PTGER3: variants seen among roughly 807,000 people sequenced by gnomAD.
The protein encoded by PTGER3 is prostaglandin E2 receptor EP3 subtype.
In PTGER3, 22 loss-of-function variants were observed where a neutral mutation model predicts 34.7. The observed-to-expected ratio is 0.63, with a 90% confidence interval of 0.45 to 0.91. The LOEUF (loss-of-function observed/expected upper bound fraction) is 0.91, where lower values mean the gene tolerates loss of function less well. Among genes scored for constraint, PTGER3 ranks in the 40% least tolerant of loss-of-function variants. PTGER3 has a pLI of 0.00. For missense variants in PTGER3, 468 were observed against 519.4 expected (o/e 0.90, Z 0.96); for synonymous variants, 241 against 230.1 (o/e 1.05, Z -0.43).
At chr1:70,899,811 C>G (rs1359835) in intron 4 of PTGER3, among the ~76,000 whole-genome samples, 95,355 of 151,728 alleles carry the variant, frequency 0.63, 30,773 homozygotes, top group East Asian at 0.87. Flanking sequence ...AAATAAAAAG[C>G]CTGGTGAAGA....
At chr1:70,929,697 G>A (rs1197781502) in intron 4 of PTGER3, among the ~76,000 whole-genome samples, 1 of 152,162 alleles carries the variant, frequency 6.6e-6, no homozygotes, top group Non-Finnish European at 1.5e-5. Flanking sequence ...ACTGACGAAC[G>A]ATGGAGAAAT....
intron 4 of PTGER3, among the ~76,000 whole-genome samples, chr1:70,871,864 T>C (rs1156776915): frequency 6.6e-6 from 1 of 152,190 alleles, no homozygotes; most frequent in Non-Finnish European, 1.5e-5. Context: ...CATTCAATTT[T>C]CAAGGTGCTA....
At chr1:71,038,910 G>A (rs1486382093) in intron 1 of PTGER3, among the ~76,000 whole-genome samples, 2 of 152,182 alleles carry the variant, frequency 1.3e-5, no homozygotes, top group Non-Finnish European at 2.9e-5. Context: ...ACTCTCTCAA[G>A]AAGTTTGCAG....
chr1:70,946,403 G>A (rs909463607), intron 4 of PTGER3, among the ~76,000 whole-genome samples: 1 of 152,120 alleles, frequency 6.6e-6, no homozygotes, highest in Non-Finnish European at 1.5e-5. Context: ...GAATTGGTAA[G>A]AACCAGAAGA....
downstream of PTGER3, among the ~76,000 whole-genome samples, chr1:70,970,418 T>C (rs1201941116): frequency 6.6e-6 from 1 of 152,296 alleles, no homozygotes; most frequent in African/African-American, 2.4e-5. Context: ...ATTTTAAATA[T>C]AGATTTGGAA....
In PTGER3 at chr1:71,047,550, C is replaced by T. The variant is rs1460587855; in HGVS notation, c.28G>A (p.Asp10Asn). Residue 10 changes from aspartate (D) to asparagine (N), a missense_variant, in exon 1 of 4, where the codon GAT (aspartate) becomes AAT (asparagine). By Grantham distance (23) the Asp-to-Asn change is conservative (BLOSUM62 1). Coordinates refer to ENST00000306666, the MANE Select transcript of PTGER3 (RefSeq NM_198719.2). ...TTGAGGCGGGTGCAGAAGGGGGCAT[C>T]CCCTCCGTAGCCCCGGGTCTCCTTC... is the stretch of plus-strand genomic sequence containing the variant. MKETRGYGG[D>N]APFCTRLNHS... The T allele has an allele frequency of 2.6e-6, 4 of 1,567,272 alleles. No individual in the cohort carries two copies. In the East Asian group the frequency reaches 6.9e-5, roughly 27 times the overall value.
At chr1:70,952,385 T>C (rs1650847538), downstream of PTGER3, 1 of 977,064 alleles carries the variant, frequency 1.0e-6, no homozygotes, top group African/African-American at 1.8e-5. Context: ...TCAAGGTTAA[T>C]GTAGGTTTTA....
intron 4 of PTGER3, among the ~76,000 whole-genome samples, chr1:70,890,563 C>T (rs1378458246): frequency 6.6e-6 from 1 of 152,158 alleles, no homozygotes; most frequent in African/African-American, 2.4e-5. Context: ...TGGTAAACGG[C>T]ACAATCATCC....
intron 2 of PTGER3, among the ~76,000 whole-genome samples, chr1:70,990,448 T>C (rs1655361983): frequency 6.7e-6 from 1 of 148,688 alleles, no homozygotes; most frequent in African/African-American, 2.5e-5. Flanking sequence ...GTATAATATA[T>C]ATATACATAT....
chr1:70,924,106 G>T (rs1557658457), intron 4 of PTGER3, among the ~76,000 whole-genome samples: 1 of 151,982 alleles, frequency 6.6e-6, no homozygotes, highest in Non-Finnish European at 1.5e-5. Context: ...CAAAAAGAGA[G>T]GAATTTACCC....
At chr1:70,892,146 CA>C (rs1444038708) in intron 4 of PTGER3, among the ~76,000 whole-genome samples, 2 of 152,118 alleles carry the variant, frequency 1.3e-5, no homozygotes. Flanking sequence ...TATGGAGTTT[CA>C]GGGGGAAAGA....
Position 70,962,423 on chromosome 1 carries a change from G to A in PTGER3, c.1078-8634C>T, listed in dbSNP as rs567037101. Among the ~76,000 whole-genome samples, 14 of 150,850 alleles carry A rather than the reference G, an allele frequency of 9.3e-5. No individual in the cohort carries two copies. In the South Asian group the frequency reaches 2.7e-3, roughly 29 times the overall value. On this transcript the variant is annotated intron_variant, in intron 2 of 3. Transcript: ENST00000356595. ...CTGTTACAGGAAAGCCATCAACTGG[G>A]CAGTGTATTAGTCTGTTCCCTCACT... is the stretch of plus-strand genomic sequence containing the variant.
chr1:70,885,861 A>C (rs141518926), intron 4 of PTGER3, among the ~76,000 whole-genome samples: 37 of 152,342 alleles, frequency 2.4e-4, no homozygotes, highest in African/African-American at 8.2e-4. Flanking sequence ...GGGAGGAAGC[A>C]TATGGCAAAG....
At chr1:70,880,103 G>A (rs191933626) in intron 4 of PTGER3, among the ~76,000 whole-genome samples, 1 of 151,756 alleles carries the variant, frequency 6.6e-6, no homozygotes, top group Non-Finnish European at 1.5e-5. Context: ...AAAAAAAATT[G>A]ATATGTGTAG....
chr1:70,877,985 T>C (rs1646308444), intron 4 of PTGER3, among the ~76,000 whole-genome samples: 1 of 152,108 alleles, frequency 6.6e-6, no homozygotes, highest in African/African-American at 2.4e-5. Flanking sequence ...GAGGAGTCCC[T>C]CCCCCTCAGT....
At chr1:70,991,465 G>T (rs937775963) in intron 2 of PTGER3, among the ~76,000 whole-genome samples, 1 of 152,148 alleles carries the variant, frequency 6.6e-6, no homozygotes, top group South Asian at 2.1e-4. Context: ...AGGGTATAGA[G>T]AATATATGTG....
At chr1:70,859,311 T>C (rs1422064876) in intron 4 of PTGER3, among the ~76,000 whole-genome samples, 1 of 152,246 alleles carries the variant, frequency 6.6e-6, no homozygotes, top group African/African-American at 2.4e-5. Flanking sequence ...TGATTTTAGT[T>C]TTGTGAAAAA....
intron 4 of PTGER3, among the ~76,000 whole-genome samples, chr1:70,881,496 G>A (rs373930008): frequency 6.6e-6 from 1 of 152,014 alleles, no homozygotes; most frequent in Admixed American, 6.6e-5. Context: ...TGCCTTTTTT[G>A]TTGTTGTTGT....
chr1:70,875,237 G>A (rs1252606141), intron 4 of PTGER3, among the ~76,000 whole-genome samples: 1 of 152,146 alleles, frequency 6.6e-6, no homozygotes, highest in African/African-American at 2.4e-5. Flanking sequence ...GCCACTTTCT[G>A]GTTAAGATCT....
Sources: allele counts gnomAD v4.1 joint callset (sites outside exome capture counted in the v4.1 genomes callset), GRCh38; gene constraint gnomAD v4.1.1; transcripts MANE v1.5; gene names NCBI Gene and HGNC (gene_info 2026-07-23, HGNC 2026-07-21).